The following COG6 variants were observed in gnomAD, a reference collection of about 807,000 sequenced individuals.
COG6 encodes component of oligomeric golgi complex 6, also known as conserved oligomeric Golgi complex subunit 6.
Under a neutral mutation model 88.8 loss-of-function variants are expected in COG6, and 74 were observed. That is an observed-to-expected ratio of 0.83 (90% CI 0.69 to 1.01). The LOEUF is 1.01. COG6 is among the 50% of genes least tolerant of loss of function. COG6 has a pLI of 0.00. For missense variants in COG6, 800 were observed against 797.9 expected, an observed-to-expected ratio of 1.00 and a Z score of -0.03; for synonymous variants, 286 against 278.7, an observed-to-expected ratio of 1.03 and a Z score of -0.26.
At chr13:39,786,815 TG>T (rs1881786842) in intron 18 of COG6, among the ~76,000 whole-genome samples, 1 of 152,276 alleles carries the variant, frequency 6.6e-6, no homozygotes, top group South Asian at 2.1e-4. Context: ...GTTGGTTGAC[TG>T]ATTGATTCGT....
chr13:39,770,051 G>T (rs1461238288), intron 18 of COG6, among the ~76,000 whole-genome samples: 7 of 152,166 alleles, frequency 4.6e-5, no homozygotes. Context: ...TTACCTTATA[G>T]TACCACACAC....
chr13:39,699,997 T>C (rs1877488350), intron 13 of COG6, among the ~76,000 whole-genome samples: 2 of 151,890 alleles, frequency 1.3e-5, no homozygotes, highest in African/African-American at 4.8e-5. Context: ...TTACCCCTGT[T>C]GTTACAGTTT....
chr13:39,738,331 G>A (rs990368416), intron 18 of COG6, among the ~76,000 whole-genome samples: 1 of 152,096 alleles, frequency 6.6e-6, no homozygotes, highest in African/African-American at 2.4e-5. Flanking sequence ...AATATTGTAA[G>A]GATATTAAGT....
At chr13:39,710,042 A>C (rs1226973421) in intron 13 of COG6, among the ~76,000 whole-genome samples, 1 of 152,160 alleles carries the variant, frequency 6.6e-6, no homozygotes, top group Non-Finnish European at 1.5e-5. Flanking sequence ...TTTTAAAATA[A>C]AAAAGCTTTC....
At chr13:39,726,033 A>G (rs903966536) in intron 17 of COG6, among the ~76,000 whole-genome samples, 1 of 151,982 alleles carries the variant, frequency 6.6e-6, no homozygotes. Flanking sequence ...CCTGGTGTTA[A>G]TTTTCAGAAC....
At chr13:39,728,768 G>A (rs1420777662) in intron 18 of COG6, among the ~76,000 whole-genome samples, 1 of 151,722 alleles carries the variant, frequency 6.6e-6, no homozygotes, top group Middle Eastern at 3.4e-3. Context: ...AGGTTCAAGC[G>A]ATTCTCCTGC....
In COG6 at chr13:39,687,612, C is replaced by T. The variant is rs34555836; in HGVS notation, c.898C>T (p.His300Tyr). The change falls in exon 9 of 19, where the codon CAT becomes TAT. Residue 300 changes from histidine to tyrosine, a missense_variant. By Grantham distance (83) the His-to-Tyr change is moderately conservative. Coordinates refer to ENST00000455146, the MANE Select transcript of COG6 (RefSeq NM_020751.3). ...PGGTPRPIEM[H>Y]SHDPLRYVGD... ...AGGTACACCTAGACCAATTGAAATG[C>T]ATTCTCATGACCCTTTGAGGTATAG... The T allele has an allele frequency of 2.3e-3, 3,725 of 1,613,904 alleles. 66 individuals are homozygous for T. In the African/African-American group the frequency reaches 0.044, roughly 19 times the overall value.
At position 39,719,245 on chromosome 13, in the gene COG6, C is replaced by T. The variant is rs1247438062; in HGVS notation, c.1294C>T (p.Pro432Ser). ...ASKLMDKVEL[P>S]PPDLGPSSAL... ...TCATCTCTTGTTTTAGGTTGAACTC[C>T]CACCACCTGATCTTGGACCAAGTTC... is the stretch of plus-strand genomic sequence containing the variant. The change falls in exon 14 of 19, where the codon CCA becomes TCA. Residue 432 changes from proline to serine, a missense_variant. Coordinates refer to ENST00000455146, the MANE Select transcript of COG6 (RefSeq NM_020751.3). 28 of 1,612,410 alleles carry T rather than the reference C, an allele frequency of 1.7e-5. No individual in the cohort carries two copies. Among genetic ancestry groups the T allele is most frequent in the Non-Finnish European group, 2.1e-5 (25 of 1,178,942 alleles).
chr13:39,736,398 G>T (rs576037959), intron 18 of COG6, among the ~76,000 whole-genome samples: 1 of 152,132 alleles, frequency 6.6e-6, no homozygotes, highest in African/African-American at 2.4e-5. Flanking sequence ...TACCTGATAA[G>T]GTTCTGAATT....
rs376652842 is a variant in COG6 at position 39,695,939 on chromosome 13, A to G, written c.1166+1214A>G. On this transcript the variant is annotated intron_variant, in intron 12 of 18. Coordinates refer to ENST00000455146, the MANE Select transcript of COG6 (RefSeq NM_020751.3). ...ACATAGCAAATGCTGTGTTATAAAA[A>G]GATGCTGGTAAAATAATTTTTAAAA... is the stretch of plus-strand genomic sequence containing the variant. Among the ~76,000 whole-genome samples, 10 of 152,136 alleles carry G rather than the reference A, an allele frequency of 6.6e-5. No homozygotes were observed. In the East Asian group the frequency reaches 1.2e-3, roughly 18 times the overall value.
chr13:39,665,062 A>T (rs778669382), intron 3 of COG6, 34 bp from the exon 4 acceptor site: 10 of 980,542 alleles, frequency 1.0e-5, no homozygotes, highest in South Asian at 4.0e-5. Context: ...ATAAAATTGG[A>T]ATTTACTTAT....
rs1313265782 is a variant in COG6 at position 39,660,834 on chromosome 13, G to A, written c.322G>A (p.Val108Ile). Residue 108 changes from valine (V) to isoleucine (I), a missense_variant, in exon 3 of 19, where the codon GTT becomes ATT. Coordinates refer to ENST00000455146, the MANE Select transcript of COG6 (RefSeq NM_020751.3). Reference sequence around the variant, plus strand: ...GGAACTTGAAAGCATAAGCGAAGATGTTCAAGCAATGAGCAACTGTTGTCA... The same window carrying A: ...GGAACTTGAAAGCATAAGCGAAGATATTCAAGCAATGAGCAACTGTTGTCA... ...KEELESISED[V>I]QAMSNCCQDM... is the part of the protein sequence containing the mutation. The A allele has an allele frequency of 3.7e-6, 6 of 1,610,388 alleles. No individual in the cohort carries two copies. Among genetic ancestry groups the A allele is most frequent in the Non-Finnish European group, 5.1e-6 (6 of 1,177,122 alleles).
intron 18 of COG6, among the ~76,000 whole-genome samples, chr13:39,782,690 G>A (rs1881665587): frequency 6.6e-6 from 1 of 152,176 alleles, no homozygotes; most frequent in Non-Finnish European, 1.5e-5. Context: ...GAAGACAGGA[G>A]CCATAGGAAG....
intron 18 of COG6, among the ~76,000 whole-genome samples, chr13:39,782,740 T>C (rs893668642): frequency 6.6e-6 from 1 of 152,164 alleles, no homozygotes; most frequent in African/African-American, 2.4e-5. Context: ...GGGCTAGCAA[T>C]GGCCTTCTTA....
exon 19 of COG6, chr13:39,788,553 A>G: frequency 1.7e-6 from 1 of 599,908 alleles, no homozygotes; most frequent in Admixed American, 2.9e-5. Context: ...ACTCAGATTT[A>G]CTCTTCAGAA....
Position 39,751,059 on chromosome 13 carries a change from G to A in COG6, c.1940G>A (p.Arg647Gln), listed in dbSNP as rs763647584. The A allele has an allele frequency of 3.1e-5, 50 of 1,613,544 alleles. No individual in the cohort carries two copies. The highest frequency in any genetic ancestry group is 3.9e-5 in the Non-Finnish European group (46 of 1,179,788). Reference protein sequence around the residue: ...EYKDPENILHRSPQQVQTLLS With the variant: ...EYKDPENILHQSPQQVQTLLS ...AAAGATCCAGAGAACATTCTTCACC[G>A]ATCGCCGCAGCAAGTGCAGACGCTT... The change falls in exon 19 of 19, where the codon CGA (arginine) becomes CAA (glutamine). Residue 647 changes from arginine (R) to glutamine (Q), a missense_variant. Physicochemically the swap from Arg to Gln is conservative, Grantham distance 43. Coordinates refer to ENST00000455146, the MANE Select transcript of COG6 (RefSeq NM_020751.3).
At position 39,762,972 on chromosome 13, in the gene COG6, C is replaced by T. The variant is rs566325968; in HGVS notation, c.1827-25363C>T. ...ATCAGAGAGGAAGTTATTTTGTATT[C>T]TCACATGCTGTTATTAATTATGAAT... On this transcript the variant is annotated intron_variant, in intron 18 of 18. Transcript: ENST00000416691. Among the ~76,000 whole-genome samples the T allele has an allele frequency of 4.0e-5, 6 of 151,648 alleles. No individual in the cohort carries two copies. The South Asian group carries it at 1.2e-3, about 31-fold the overall frequency.
chr13:39,673,486 G>C (rs1035781263), intron 4 of COG6, among the ~76,000 whole-genome samples: 3 of 151,702 alleles, frequency 2.0e-5, no homozygotes, highest in Non-Finnish European at 4.4e-5. Context: ...AACTTAAAAT[G>C]AAAAGTTTCT....
chr13:39,663,624 C>T (rs1394890559), intron 3 of COG6, among the ~76,000 whole-genome samples: 1 of 152,030 alleles, frequency 6.6e-6, no homozygotes, highest in Non-Finnish European at 1.5e-5. Context: ...AATGGCTGGG[C>T]GTGGTGGCTC....
Sources: allele counts gnomAD v4.1 joint callset (sites outside exome capture counted in the v4.1 genomes callset), GRCh38; gene constraint gnomAD v4.1.1; transcripts MANE v1.5; gene names NCBI Gene and HGNC (gene_info 2026-07-23, HGNC 2026-07-21).